The following ADAM22 variants were observed in gnomAD, a reference collection of about 807,000 sequenced individuals.
ADAM22 encodes ADAM metallopeptidase domain 22.
In ADAM22, 65 loss-of-function variants were observed where a neutral mutation model predicts 144.6. The observed-to-expected ratio is 0.45, with a 90% CI of 0.37 to 0.55. The LOEUF (loss-of-function observed/expected upper bound fraction) is 0.55. ADAM22 is among the 20% of genes least tolerant of loss of function. The pLI, the probability that ADAM22 is intolerant of heterozygous loss-of-function variation, is 0.00. For synonymous variants in ADAM22, 391 were observed against 412.6 expected, an observed-to-expected ratio of 0.95 and a Z score of 0.63; for missense variants, 974 against 1,184.9, an observed-to-expected ratio of 0.82 and a Z score of 2.61.
At chr7:88,185,229 A>G (rs1017715520) in intron 29 of ADAM22, among the ~76,000 whole-genome samples, 9 of 152,212 alleles carry the variant, frequency 5.9e-5, no homozygotes, top group African/African-American at 2.2e-4. Flanking sequence ...GTCAGGAGAT[A>G]CTATCTTACC....
intron 3 of ADAM22, among the ~76,000 whole-genome samples, chr7:87,994,898 G>A (rs1467241142): frequency 5.3e-5 from 8 of 151,810 alleles, no homozygotes; most frequent in East Asian, 3.9e-4. Flanking sequence ...CGCGATCTCC[G>A]CTCACTGCAA....
At chr7:87,961,362 C>T (rs1025453485) in intron 2 of ADAM22, among the ~76,000 whole-genome samples, 1 of 152,170 alleles carries the variant, frequency 6.6e-6, no homozygotes. Context: ...TTGGAATCAT[C>T]TACATTTCTT....
At chr7:88,158,360 C>A (rs562433303) in intron 22 of ADAM22, among the ~76,000 whole-genome samples, 1 of 152,128 alleles carries the variant, frequency 6.6e-6, no homozygotes, top group Admixed American at 6.6e-5. Flanking sequence ...AGAAAATTAA[C>A]AAAGATATTC....
At chr7:87,940,591 T>G (rs1842291225) in intron 2 of ADAM22, among the ~76,000 whole-genome samples, 1 of 152,246 alleles carries the variant, frequency 6.6e-6, no homozygotes, top group African/African-American at 2.4e-5. Context: ...GTTACTTGAA[T>G]GCATATACTT....
chr7:87,969,064 C>G (rs534820534), intron 2 of ADAM22, among the ~76,000 whole-genome samples: 17 of 152,306 alleles, frequency 1.1e-4, no homozygotes, highest in African/African-American at 4.1e-4. Flanking sequence ...CACTGTGCAC[C>G]AGGCCTCTCC....
chr7:88,128,712 C>G (rs1563278548), intron 9 of ADAM22, 36 bp downstream of exon 9: 1 of 1,574,326 alleles, frequency 6.4e-7, no homozygotes, highest in Admixed American at 1.7e-5. Flanking sequence ...CTGTTTGTGC[C>G]TAGGGTAAAA....
At chr7:88,142,613 C>T (rs528999339) in intron 14 of ADAM22, among the ~76,000 whole-genome samples, 24 of 152,058 alleles carry the variant, frequency 1.6e-4, no homozygotes, top group East Asian at 3.9e-4. Context: ...CCGAGGCGGG[C>T]GGATCACAAA....
chr7:88,151,011 T>C lies in ADAM22; in HGVS notation c.1597T>C (p.Tyr533His). The C allele has an allele frequency of 6.2e-7, 1 of 1,613,778 alleles. No individual in the cohort carries two copies. Residue 533 changes from tyrosine to histidine, a missense_variant, in exon 19 of 32, where the codon TAT becomes CAT. Coordinates refer to ENST00000413139, the MANE Select transcript of ADAM22 (RefSeq NM_001324418.2). Reference sequence around the variant, plus strand: ...CCCTAATATTCATAAAATGGATGGATATTCATGTGATGGTGTTCAGGTAGG... The same window carrying C: ...CCCTAATATTCATAAAATGGATGGACATTCATGTGATGGTGTTCAGGTAGG... ...CAPNIHKMDG[Y>H]SCDGVQGICF... is the part of the protein sequence containing the mutation.
chr7:87,951,640 A>G (rs1845207571), intron 2 of ADAM22, among the ~76,000 whole-genome samples: 1 of 81,242 alleles, frequency 1.2e-5, no homozygotes, highest in Admixed American at 1.2e-4. Flanking sequence ...TTTCGGTTCC[A>G]TATGAACTTT....
At chr7:87,978,433 G>C in intron 3 of ADAM22, 21 bp downstream of exon 3, 1 of 1,603,218 alleles carries the variant, frequency 6.2e-7, no homozygotes, top group South Asian at 1.1e-5. Context: ...AGTTGCACTT[G>C]CTTTTGTCAG....
At chr7:88,007,247 G>A (rs1208552159) in intron 3 of ADAM22, among the ~76,000 whole-genome samples, 1 of 152,152 alleles carries the variant, frequency 6.6e-6, no homozygotes, top group Non-Finnish European at 1.5e-5. Flanking sequence ...TGAAATAAAA[G>A]AGGATACAAA....
intron 14 of ADAM22, 127 bp downstream of exon 14, chr7:88,136,158 A>G (rs1832942623): frequency 2.9e-6 from 2 of 698,602 alleles, no homozygotes; most frequent in Admixed American, 3.7e-5. Context: ...TTTGCAAAAT[A>G]ACCTCTTATT....
rs573433238 is a variant in ADAM22 at position 88,047,075 on chromosome 7, G to C, written c.324-28551G>C. ...CCTTGGGCTTGCCATTTGTCTTCAG[G>C]CATCTATTTCCTAGCCTACCAAATG... On this transcript the variant is annotated intron_variant, in intron 3 of 31. Coordinates refer to ENST00000413139, the MANE Select transcript of ADAM22 (RefSeq NM_001324418.2). Among the ~76,000 whole-genome samples, 14 of 152,132 alleles carry C rather than the reference G, an allele frequency of 9.2e-5. No homozygotes were observed. The East Asian group carries it at 9.7e-4, about 10-fold the overall frequency.
At chr7:88,186,258 C>G in intron 29 of ADAM22, 2 of 227,412 alleles carry the variant, frequency 8.8e-6, no homozygotes, top group Non-Finnish European at 1.7e-5. Flanking sequence ...CATTTAAAAA[C>G]CAAAGAGCCA....
At chr7:88,119,780 C>T (rs13222429) in intron 7 of ADAM22, among the ~76,000 whole-genome samples, 10,278 of 152,278 alleles carry the variant, frequency 0.067, 433 homozygotes, top group Admixed American at 0.11. Flanking sequence ...TGAGCCACTG[C>T]GCCCGGCCTA....
At chr7:88,079,145 C>T (rs1251888590) in intron 4 of ADAM22, among the ~76,000 whole-genome samples, 1 of 152,190 alleles carries the variant, frequency 6.6e-6, no homozygotes, top group Non-Finnish European at 1.5e-5. Context: ...AACAGCTGAT[C>T]TCTTGGCAGA....
At chr7:87,941,828 G>GA (rs149634569) in intron 2 of ADAM22, among the ~76,000 whole-genome samples, 10 of 152,288 alleles carry the variant, frequency 6.6e-5, no homozygotes, top group African/African-American at 1.9e-4. Flanking sequence ...CTACACATAG[G>GA]AAACTAACTA....
intron 25 of ADAM22, among the ~76,000 whole-genome samples, chr7:88,171,123 T>C (rs1276048614): frequency 2.0e-5 from 3 of 151,960 alleles, no homozygotes; most frequent in South Asian, 2.1e-4. Context: ...GTTTGGGGTT[T>C]ATATTCCATT....
At chr7:87,962,413 G>A (rs1448138329) in intron 2 of ADAM22, among the ~76,000 whole-genome samples, 1 of 152,194 alleles carries the variant, frequency 6.6e-6, no homozygotes, top group African/African-American at 2.4e-5. Context: ...TTGGTATAGC[G>A]TTGAGAGTGG....
Sources: gnomAD v4.1 joint callset for allele counts (sites outside exome capture counted in the v4.1 genomes callset) on GRCh38, gnomAD v4.1.1 for gene constraint, MANE v1.5 for transcripts, NCBI Gene and HGNC (gene_info 2026-07-23, HGNC 2026-07-21) for gene names.